The following DNAJC11 variants were observed in gnomAD, a reference collection of about 807,000 sequenced individuals.
DNAJC11 encodes dnaJ homolog subfamily C member 11.
Under a neutral mutation model 78.6 loss-of-function variants are expected in DNAJC11, and 15 were observed. The ratio of observed to expected loss-of-function variants is 0.19; its 90% CI spans 0.13 to 0.29. The LOEUF is 0.29. Ranked by LOEUF, DNAJC11 falls within the 10% of genes least tolerant of loss-of-function variation. The probability of loss-of-function intolerance (pLI) is 1.00; values close to 1 mark genes in which losing one functional copy is unlikely to be tolerated. For missense variants in DNAJC11, 547 were observed against 709.6 expected (o/e 0.77, Z 2.60); for synonymous variants, 292 against 272.1 (o/e 1.07, Z -0.72).
At chr1:6,651,811 A>G (rs1642058133) in intron 6 of DNAJC11, among the ~76,000 whole-genome samples, 1 of 152,224 alleles carries the variant, frequency 6.6e-6, no homozygotes, top group South Asian at 2.1e-4. Context: ...AAGGAGACCC[A>G]GGCTTCAAAG....
In DNAJC11 at chr1:6,645,731, T is replaced by G; in HGVS notation, c.894+58A>C. Reference sequence around the variant, plus strand: ...GGATTTAAGGGGAGCACTGAGTGCTTGGGAGGAGGGGTCCTCCCAGAGCTC... The same window carrying G: ...GGATTTAAGGGGAGCACTGAGTGCTGGGGAGGAGGGGTCCTCCCAGAGCTC... On this transcript the variant is annotated intron_variant, in intron 8 of 15. Transcript: ENST00000377577. This position sits in a 1 kb window ranked among gnomAD's most constrained non-coding sequence, Gnocchi z 4.1. 1.3e-6 allele frequency: 2 copies of G among 1,585,134 alleles called. No homozygotes were observed. Among genetic ancestry groups the G allele is most frequent in the East Asian group, 4.5e-5 (2 of 44,512 alleles).
Position 6,668,687 on chromosome 1 carries a change from G to GC in DNAJC11, c.277-878dup, listed in dbSNP as rs1472526186. Among the ~76,000 whole-genome samples, 3 of 152,016 alleles carry GC rather than the reference G, an allele frequency of 2.0e-5. No homozygotes were observed. In the East Asian group the frequency reaches 5.9e-4, roughly 30 times the overall value. On this transcript the variant is annotated intron_variant, in intron 3 of 15. Coordinates refer to ENST00000377577, the MANE Select transcript of DNAJC11 (RefSeq NM_018198.4). ...GGCCTCAAAGGATCCTCCCACATCA[G>GC]CCTCCCAAAGTGCTGGGATTGCAGG...
chr1:6,649,525 C>T (rs1642022008), intron 7 of DNAJC11, among the ~76,000 whole-genome samples: 1 of 152,140 alleles, frequency 6.6e-6, no homozygotes, highest in Non-Finnish European at 1.5e-5. Flanking sequence ...GCCACGTCCT[C>T]CTGTTTCGCA....
rs556175276 is a variant in DNAJC11 at position 6,690,596 on chromosome 1, G to T, written c.73-9559C>A. On this transcript the variant is annotated intron_variant, in intron 1 of 15. Transcript: ENST00000377577. Reference sequence around the variant, plus strand: ...CTCCTTGATGCTTAAACACGCAAGGGGTGGGCTAGGTGATTTCAGTTGTCC... The same window carrying T: ...CTCCTTGATGCTTAAACACGCAAGGTGTGGGCTAGGTGATTTCAGTTGTCC... Among the ~76,000 whole-genome samples, 251 of 152,294 alleles carry T rather than the reference G, an allele frequency of 1.6e-3. 6 individuals are homozygous for T. Among genetic ancestry groups the T allele is most frequent in the Non-Finnish European group, 4.6e-4 (31 of 68,032 alleles).
At chr1:6,672,410 A>G (rs1642394482) in intron 3 of DNAJC11, among the ~76,000 whole-genome samples, 1 of 152,228 alleles carries the variant, frequency 6.6e-6, no homozygotes. Flanking sequence ...ATTTTCAGGA[A>G]TTTTAGCTGT....
At chr1:6,636,544 A>C (rs774117480) in intron 14 of DNAJC11, among the ~76,000 whole-genome samples, 43 of 152,312 alleles carry the variant, frequency 2.8e-4, no homozygotes, top group Middle Eastern at 3.4e-3. Context: ...CCCAGGCCCC[A>C]GAGGCAAGAC....
In DNAJC11 at chr1:6,690,649, G is replaced by T. The variant is rs373764226; in HGVS notation, c.73-9612C>A. Among the ~76,000 whole-genome samples, 35 of 152,344 alleles carry T rather than the reference G, an allele frequency of 2.3e-4. No homozygotes were observed. In the East Asian group the frequency reaches 4.8e-3, roughly 21 times the overall value. On this transcript the variant is annotated intron_variant, in intron 1 of 15. Transcript: ENST00000377577. ...CACTTAAAACCCCTGAATTGCCTGG[G>T]CGTGGTGGCTCACGCCTGTAATCCC...
intron 1 of DNAJC11, among the ~76,000 whole-genome samples, chr1:6,681,913 T>C (rs1450753542): frequency 6.6e-6 from 1 of 152,188 alleles, no homozygotes; most frequent in Non-Finnish European, 1.5e-5. Flanking sequence ...TGGGCAGTTC[T>C]ACCCTTTGGT....
chr1:6,696,009 C>T (rs1557491760), intron 1 of DNAJC11, among the ~76,000 whole-genome samples: 1 of 152,154 alleles, frequency 6.6e-6, no homozygotes, highest in Non-Finnish European at 1.5e-5. Context: ...TTAAATGACT[C>T]GTTGAAGGTC....
intron 14 of DNAJC11, 57 bp downstream of exon 14, chr1:6,637,141 C>T (rs541315222): frequency 3.4e-5 from 55 of 1,605,216 alleles, no homozygotes; most frequent in Admixed American, 5.0e-5. Flanking sequence ...TGAGTCACCG[C>T]GCCCAGCCTG....
chr1:6,670,583 TA>T (rs1642365182), intron 3 of DNAJC11: 1 of 152,194 alleles, frequency 6.6e-6, no homozygotes, highest in Non-Finnish European at 1.5e-5. Flanking sequence ...TCTTCTCTAA[TA>T]ACCCAATATA....
intron 1 of DNAJC11, among the ~76,000 whole-genome samples, chr1:6,683,828 A>G (rs1449239944): frequency 6.6e-6 from 1 of 152,222 alleles, no homozygotes; most frequent in Non-Finnish European, 1.5e-5. Flanking sequence ...CTATAAAAAT[A>G]CAAGGTTCTC....
In DNAJC11 at chr1:6,634,742, G is replaced by T. The variant is rs759868966; in HGVS notation, c.*933C>A. On this transcript the variant is annotated 3_prime_UTR_variant, in exon 16 of 16. Coordinates refer to ENST00000377577, the MANE Select transcript of DNAJC11 (RefSeq NM_018198.4). Reference sequence around the variant, plus strand: ...CCGGAGCACAGGCCCTGGTGTTCCTGTGAGGACGCTGGACCTGCAGGAGCG... The same window carrying T: ...CCGGAGCACAGGCCCTGGTGTTCCTTTGAGGACGCTGGACCTGCAGGAGCG... The T allele has an allele frequency of 7.4e-7, 1 of 1,353,310 alleles. No individual in the cohort carries two copies. 83.8% of individuals were successfully genotyped at this position (1,353,310 alleles called of 1,614,324 possible).
Position 6,637,282 on chromosome 1 carries a change from G to C in DNAJC11, c.1440C>G (p.Ser480Arg). Residue 480 changes from serine to arginine, a missense_variant, in exon 14 of 16, where the codon AGC (serine) becomes AGG (arginine). By Grantham distance (110) the Ser-to-Arg change is moderately radical (BLOSUM62 -1). Coordinates refer to ENST00000377577, the MANE Select transcript of DNAJC11 (RefSeq NM_018198.4). The stretch of plus-strand genomic sequence containing the variant: ...TCACGTCAATCACCTTCACCTTCTC[G>C]CTCTTCCTGCTCTTGTCATTGACAA... ...GKFVNDKSRK[S>R]EKVKVIDVTV... 2 of 1,614,104 alleles carry C rather than the reference G, an allele frequency of 1.2e-6. No individual in the cohort carries two copies. Among genetic ancestry groups the C allele is most frequent in the East Asian group, 4.5e-5 (2 of 44,874 alleles).
At chr1:6,644,507 G>A in intron 10 of DNAJC11, 51 bp downstream of exon 10, 2 of 1,277,174 alleles carry the variant, frequency 1.6e-6, no homozygotes, top group South Asian at 1.2e-5. Context: ...AAGCCTGGTT[G>A]AGTGAAGGTG....
rs560904552 is a variant in DNAJC11 at position 6,634,785 on chromosome 1, C to T, written c.*890G>A. ...CAGGAGCGGGGAGCTGCAGTGCCACCTGCTGGGTACCACGGGCCGGGCCTG... is the reference window on the plus strand; with the variant it reads ...CAGGAGCGGGGAGCTGCAGTGCCACTTGCTGGGTACCACGGGCCGGGCCTG... On this transcript the variant is annotated 3_prime_UTR_variant, in exon 16 of 16. Transcript: ENST00000377577. 1,001 of 1,313,726 alleles carry T rather than the reference C, an allele frequency of 7.6e-4. 11 individuals carry two copies. In the South Asian group the frequency reaches 9.6e-3, roughly 13 times the overall value. The allele number at this position is 1,313,726 out of a possible 1,614,324, so 81.4% of individuals were successfully genotyped here. A position where few individuals can be genotyped will look rare whatever the true frequency, so the allele number is the denominator to read the frequency against.
intron 4 of DNAJC11, among the ~76,000 whole-genome samples, chr1:6,664,105 C>T (rs1028942129): frequency 7.9e-5 from 12 of 152,228 alleles, no homozygotes; most frequent in East Asian, 1.9e-4. Context: ...GGATTTTACA[C>T]GTTCCTTCCT....
At chr1:6,649,223 G>A (rs1007447941) in intron 7 of DNAJC11, among the ~76,000 whole-genome samples, 2 of 151,826 alleles carry the variant, frequency 1.3e-5, no homozygotes, top group Admixed American at 6.6e-5. Context: ...AGGCTGGAGT[G>A]CAGTGGCGCG....
At chr1:6,697,734 C>T (rs1290229789) in intron 1 of DNAJC11, among the ~76,000 whole-genome samples, 1 of 152,142 alleles carries the variant, frequency 6.6e-6, no homozygotes, top group Non-Finnish European at 1.5e-5. Flanking sequence ...AGTTTAAATC[C>T]TGGAGAGGGA....
Sources: gnomAD v4.1 joint callset for allele counts (sites outside exome capture counted in the v4.1 genomes callset) on GRCh38, gnomAD v4.1.1 for gene constraint, Gnocchi (gnomAD v3.1) non-coding constraint, MANE v1.5 for transcripts, NCBI Gene and HGNC (gene_info 2026-07-23, HGNC 2026-07-21) for gene names.